The following GNG2 variants were observed in gnomAD, a reference collection of about 807,000 sequenced individuals.
GNG2 encodes the protein G protein subunit gamma 2.
Under a neutral mutation model 5.5 loss-of-function variants are expected in GNG2, and 5 were observed. That is an observed-to-expected ratio of 0.91 (90% CI 0.48 to 1.92). The LOEUF is 1.92. Ranked by LOEUF, GNG2 falls within the 30% of genes most tolerant of loss-of-function variation. GNG2 has a pLI of 0.01. For missense variants in GNG2, 55 were observed against 88.4 expected, an observed-to-expected ratio of 0.62 and a Z score of 1.52; for synonymous variants, 28 against 32.0, an observed-to-expected ratio of 0.88 and a Z score of 0.42.
rs117435123 is a variant in GNG2 at position 51,940,835 on chromosome 14, G to A, written c.-29-9815G>A. ...TGATGAACTGGCAATAGAAAAAGGT[G>A]CCTGACAAACAACGACCCTGAAACC... On this transcript the variant is annotated intron_variant, in intron 2 of 3. Coordinates refer to ENST00000556766, the MANE Select transcript of GNG2 (RefSeq NM_053064.5). Among the ~76,000 whole-genome samples, 805 of 152,264 alleles carry A rather than the reference G, an allele frequency of 5.3e-3. 4 individuals carry two copies. Among genetic ancestry groups the A allele is most frequent in the Non-Finnish European group, 8.9e-3 (607 of 68,008 alleles).
intron 2 of GNG2, among the ~76,000 whole-genome samples, chr14:51,890,177 G>A (rs555158807): frequency 6.6e-6 from 1 of 152,270 alleles, no homozygotes; most frequent in South Asian, 2.1e-4. Context: ...TCCTTCACCT[G>A]GTGAAACACT....
In GNG2 at chr14:51,929,939, A is replaced by C. The variant is rs148841859; in HGVS notation, c.-29-20711A>C. On this transcript the variant is annotated intron_variant, in intron 2 of 3. Transcript: ENST00000556766. The stretch of plus-strand genomic sequence containing the variant: ...TTATCTGTCCCTGTCAGCCAAAAGA[A>C]AATATATCACCTTAATTTTAAGTTC... Among the ~76,000 whole-genome samples, 304 of 152,328 alleles carry C rather than the reference A, an allele frequency of 2.0e-3. 1 individual carries two copies. The highest frequency in any genetic ancestry group is 6.4e-3 in the African/African-American group (264 of 41,574).
At chr14:51,844,665 A>G (rs2748137) in intron 2 of GNG2, among the ~76,000 whole-genome samples, 107,740 of 152,026 alleles carry the variant, frequency 0.71, 40,582 homozygotes, top group East Asian at 0.97. Flanking sequence ...CATAGTTTCC[A>G]GCTGACTCCC....
At chr14:51,878,432 C>G (rs1427038064) in intron 2 of GNG2, among the ~76,000 whole-genome samples, 1 of 152,328 alleles carries the variant, frequency 6.6e-6, no homozygotes, top group South Asian at 2.1e-4. Context: ...ATTTCTACCT[C>G]TACCTACTTC....
chr14:51,836,350 G>A (rs1009403974), intron 2 of GNG2, among the ~76,000 whole-genome samples: 7 of 152,044 alleles, frequency 4.6e-5, no homozygotes, highest in Non-Finnish European at 8.8e-5. Flanking sequence ...CACAGGGAAA[G>A]CACTAGATTT....
At chr14:51,853,113 T>G (rs965329078) in intron 2 of GNG2, among the ~76,000 whole-genome samples, 5 of 152,248 alleles carry the variant, frequency 3.3e-5, no homozygotes, top group African/African-American at 1.2e-4. Flanking sequence ...AATTTTTAGC[T>G]GATTTTATAA....
chr14:51,969,386 C>G lies in GNG2; in HGVS notation c.*2699C>G, dbSNP rs907818373. 1 of 152,056 alleles carries G rather than the reference C, an allele frequency of 6.6e-6. No homozygotes were observed. The highest frequency in any genetic ancestry group is 1.5e-5 in the Non-Finnish European group (1 of 68,004). The allele number at this position is 152,056 out of a possible 1,614,324, so 9.4% of individuals were successfully genotyped here. A position where few individuals can be genotyped will look rare whatever the true frequency, so the allele number is the denominator to read the frequency against. On this transcript the variant is annotated 3_prime_UTR_variant, in exon 4 of 4. Transcript: ENST00000556766. ...ACTGTTTAATTTCAATCAGAAGATG[C>G]AAATACATACTTTGATCTATGTTTG...
chr14:51,949,771 C>T (rs1026817930), intron 2 of GNG2, among the ~76,000 whole-genome samples: 6 of 151,772 alleles, frequency 4.0e-5, no homozygotes, highest in South Asian at 2.1e-4. Context: ...GCATCAGCAA[C>T]GGGAATAAAA....
At chr14:51,963,936 G>A (rs1387705754) in intron 3 of GNG2, among the ~76,000 whole-genome samples, 1 of 152,184 alleles carries the variant, frequency 6.6e-6, no homozygotes, top group Non-Finnish European at 1.5e-5. Flanking sequence ...TACATATCAT[G>A]TATTGGGTTG....
intron 2 of GNG2, among the ~76,000 whole-genome samples, chr14:51,945,620 C>T (rs1234697197): frequency 1.3e-5 from 2 of 152,096 alleles, no homozygotes; most frequent in Non-Finnish European, 2.9e-5. Context: ...GATGATTGCA[C>T]AACAGTATAC....
chr14:51,869,100 C>A (rs999194577), intron 1 of GNG2, among the ~76,000 whole-genome samples: 1 of 152,192 alleles, frequency 6.6e-6, no homozygotes. Context: ...AAAGCACTAA[C>A]TAATTTGAAT....
intron 2 of GNG2, among the ~76,000 whole-genome samples, chr14:51,849,192 G>C (rs1273694003): frequency 6.6e-6 from 1 of 152,104 alleles, no homozygotes; most frequent in African/African-American, 2.4e-5. Flanking sequence ...AGTTGGTGCT[G>C]GTTGTTGACA....
intron 2 of GNG2, among the ~76,000 whole-genome samples, chr14:51,889,230 A>C (rs1342751224): frequency 6.7e-6 from 1 of 149,370 alleles, no homozygotes; most frequent in Non-Finnish European, 1.5e-5. Context: ...CTCCTGCCTC[A>C]GCCTCCCAAG....
chr14:51,865,424 A>C (rs576234577), intron 1 of GNG2, among the ~76,000 whole-genome samples: 1 of 152,288 alleles, frequency 6.6e-6, no homozygotes, highest in East Asian at 1.9e-4. Flanking sequence ...CCCCATAAAT[A>C]TACACAATTT....
At position 51,890,108 on chromosome 14, in the gene GNG2, G is replaced by GT. The variant is rs907906062; in HGVS notation, c.-30+12454dup. ...TGATTCAGTCATGGGTACAACTTTG[G>GT]TTTCAGGCAGCTGTGGAGGATGGGA... On this transcript the variant is annotated intron_variant, in intron 2 of 3. Transcript: ENST00000556766. Among the ~76,000 whole-genome samples, 9 of 152,182 alleles carry GT rather than the reference G, an allele frequency of 5.9e-5. 1 individual carries two copies.
At position 51,905,800 on chromosome 14, in the gene GNG2, G is replaced by A. The variant is rs118006022; in HGVS notation, c.-30+28143G>A. ...ATCCTGTTGTTATGATAGCTAGTGA[G>A]TTCTCACAAGATCTGATGGTTTTAT... On this transcript the variant is annotated intron_variant, in intron 2 of 3. Coordinates refer to ENST00000556766, the MANE Select transcript of GNG2 (RefSeq NM_053064.5). Among the ~76,000 whole-genome samples the A allele has an allele frequency of 2.9e-3, 449 of 152,322 alleles. 8 individuals carry two copies. The East Asian group carries it at 0.034, about 11-fold the overall frequency.
intron 2 of GNG2, among the ~76,000 whole-genome samples, chr14:51,828,272 C>T (rs960841289): frequency 2.0e-5 from 3 of 152,106 alleles, no homozygotes; most frequent in South Asian, 2.1e-4. Context: ...GCCTGGTCTG[C>T]GGTGAGCGCT....
intron 2 of GNG2, among the ~76,000 whole-genome samples, chr14:51,881,567 A>G (rs1156233060): frequency 6.6e-6 from 1 of 152,102 alleles, no homozygotes; most frequent in East Asian, 1.9e-4. Context: ...CATCCCTTAC[A>G]TTTCTGTGGC....
intron 2 of GNG2, among the ~76,000 whole-genome samples, chr14:51,905,639 G>A (rs977087800): frequency 9.2e-5 from 14 of 152,156 alleles, no homozygotes; most frequent in African/African-American, 3.1e-4. Context: ...GCAACAGAGG[G>A]GATATTCTTT....
Sources: gnomAD v4.1 joint callset for allele counts (sites outside exome capture counted in the v4.1 genomes callset) on GRCh38, gnomAD v4.1.1 for gene constraint, MANE v1.5 for transcripts, NCBI Gene and HGNC (gene_info 2026-07-23, HGNC 2026-07-21) for gene names.